CRADD: variants seen among roughly 807,000 people sequenced by gnomAD.
CRADD encodes the protein CARD and death domain containing adaptor protein.
CRADD carries 9 observed loss-of-function variants against 15.5 expected under a neutral mutation model. That is an observed-to-expected ratio of 0.58 (90% CI 0.35 to 1.01). CRADD has a LOEUF of 1.01. Among genes scored for constraint, CRADD ranks in the 50% least tolerant of loss-of-function variants. CRADD has a pLI of 0.02. For missense variants in CRADD, 227 were observed against 250.3 expected (o/e 0.91, Z 0.63); for synonymous variants, 118 against 107.6 (o/e 1.10, Z -0.60).
chr12:93,853,276 A>G (rs897776062), downstream of CRADD, among the ~76,000 whole-genome samples: 17 of 152,192 alleles, frequency 1.1e-4, no homozygotes, highest in Non-Finnish European at 1.5e-5. Flanking sequence ...AATTAACTAA[A>G]TTAAGTTTTC....
chr12:93,831,605 C>A (rs1957903097), intron 2 of CRADD, among the ~76,000 whole-genome samples: 1 of 152,248 alleles, frequency 6.6e-6, no homozygotes, highest in South Asian at 2.1e-4. Context: ...AAATTACTCT[C>A]TTAAACGATA....
At chr12:93,709,628 G>A (rs888937551) in intron 2 of CRADD, among the ~76,000 whole-genome samples, 2 of 152,192 alleles carry the variant, frequency 1.3e-5, no homozygotes, top group Non-Finnish European at 2.9e-5. Context: ...ATTCCATGGT[G>A]CATATGTACC....
chr12:93,880,644 C>T (rs187201183), intron 2 of CRADD, among the ~76,000 whole-genome samples: 6 of 152,164 alleles, frequency 3.9e-5, no homozygotes, highest in Admixed American at 1.3e-4. Context: ...TCACTCTCCC[C>T]GGTACATCCC....
intron 2 of CRADD, among the ~76,000 whole-genome samples, chr12:93,754,702 C>T (rs538893351): frequency 1.3e-5 from 2 of 152,312 alleles, no homozygotes; most frequent in South Asian, 4.1e-4. Flanking sequence ...GTCTATGTCA[C>T]TATCAGCATT....
At chr12:93,854,534 C>A (rs192775789), downstream of CRADD, among the ~76,000 whole-genome samples, 1 of 152,130 alleles carries the variant, frequency 6.6e-6, no homozygotes, top group Admixed American at 6.5e-5. Context: ...GAGAGAGGAG[C>A]GGAATAATTT....
At position 93,850,049 on chromosome 12, in the gene CRADD, G is replaced by T. The variant is rs751620496; in HGVS notation, c.378G>T (p.Arg126Ser). The change falls in exon 3 of 3, where the codon AGG (arginine) becomes AGT (serine). Residue 126 changes from arginine (R) to serine (S), a missense_variant. Arg to Ser is a moderately radical substitution (Grantham distance 110). Coordinates refer to ENST00000332896, the MANE Select transcript of CRADD (RefSeq NM_003805.5). The surrounding 1 kb of genome is among the most constrained non-coding windows in gnomAD (Gnocchi z 4.0). ...GGCAGATTAACCAGCTGGCCCAGAGGCTGGGCCCTGAGTGGGAGCCCATGG... is the reference window on the plus strand; with the variant it reads ...GGCAGATTAACCAGCTGGCCCAGAGTCTGGGCCCTGAGTGGGAGCCCATGG... The part of the protein sequence containing the change: ...SDRQINQLAQ[R>S]LGPEWEPMVL... 12 of 1,606,416 alleles carry T rather than the reference G, an allele frequency of 7.5e-6. No homozygotes were observed. The South Asian group carries it at 8.8e-5, about 12-fold the overall frequency.
Position 93,678,912 on chromosome 12 carries a change from T to C in CRADD, c.138T>C (p.Ala46=). 6.2e-7 allele frequency: 1 copy of C among 1,614,138 alleles called. No individual in the cohort carries two copies. Among genetic ancestry groups the C allele is most frequent in the Non-Finnish European group, 8.5e-7 (1 of 1,180,028 alleles). ...LTENHIQEIN[A]QTTGLRKTML... The stretch of plus-strand genomic sequence containing the variant: ...AAAACCATATTCAAGAAATCAATGC[T>C]CAAACCACAGGCCTCCGGAAAACAA... The change falls in exon 2 of 3, where the codon GCT becomes GCC. Residue 46 remains alanine (A), a synonymous_variant. Transcript: ENST00000332896.
chr12:93,706,181 T>A (rs186253755), intron 2 of CRADD, among the ~76,000 whole-genome samples: 6 of 152,354 alleles, frequency 3.9e-5, no homozygotes, highest in Admixed American at 1.3e-4. Flanking sequence ...TTCAAGCAAA[T>A]ATGTGCAAAT....
At chr12:93,812,767 A>AAC (rs1241931501) in intron 2 of CRADD, among the ~76,000 whole-genome samples, 3 of 152,340 alleles carry the variant, frequency 2.0e-5, no homozygotes, top group African/African-American at 7.2e-5. Flanking sequence ...AAGGAAAGCA[A>AAC]ACTCTGGCTC....
At chr12:93,753,423 A>G (rs941307866) in intron 2 of CRADD, among the ~76,000 whole-genome samples, 4 of 152,118 alleles carry the variant, frequency 2.6e-5, no homozygotes, top group Non-Finnish European at 5.9e-5. Context: ...TGCCTTCCCA[A>G]CAGTCCCCCA....
At chr12:93,806,477 A>AT in intron 2 of CRADD, among the ~76,000 whole-genome samples, 1 of 150,340 alleles carries the variant, frequency 6.7e-6, no homozygotes, top group East Asian at 2.0e-4. Flanking sequence ...AAAAAACAAA[A>AT]AAAAGAAAAA....
At chr12:93,679,973 C>T (rs2136786390) in intron 2 of CRADD, among the ~76,000 whole-genome samples, 1 of 152,278 alleles carries the variant, frequency 6.6e-6, no homozygotes, top group Non-Finnish European at 1.5e-5. Context: ...TTTGTTCAGA[C>T]ACTGGAGTAT....
At chr12:93,691,667 AG>A (rs1422575364) in intron 2 of CRADD, among the ~76,000 whole-genome samples, 1 of 152,204 alleles carries the variant, frequency 6.6e-6, no homozygotes, top group Non-Finnish European at 1.5e-5. Flanking sequence ...TGAGGTTGAA[AG>A]GTAGTGCAGG....
chr12:93,744,781 CA>C (rs1475005631), intron 2 of CRADD, among the ~76,000 whole-genome samples: 7 of 152,122 alleles, frequency 4.6e-5, no homozygotes, highest in Non-Finnish European at 1.0e-4. Flanking sequence ...TTAATAAAAA[CA>C]ATAAACATTC....
chr12:93,840,198 C>T (rs1443062375), intron 2 of CRADD, among the ~76,000 whole-genome samples: 2 of 152,340 alleles, frequency 1.3e-5, no homozygotes, highest in African/African-American at 4.8e-5. Context: ...GTCATCCCAT[C>T]TAGCACAACA....
At chr12:93,854,913 G>T (rs912113626), downstream of CRADD, among the ~76,000 whole-genome samples, 1 of 152,276 alleles carries the variant, frequency 6.6e-6, no homozygotes, top group Admixed American at 6.5e-5. Flanking sequence ...ATATTTTAGG[G>T]ATGGATGTGG....
intron 2 of CRADD, among the ~76,000 whole-genome samples, chr12:93,866,754 T>G (rs1037691581): frequency 7.9e-5 from 12 of 152,210 alleles, no homozygotes; most frequent in African/African-American, 2.4e-4. Context: ...TCTTTAGATC[T>G]TTTCTTTTGG....
intron 2 of CRADD, chr12:93,708,303 T>C (rs976167955): frequency 6.6e-6 from 1 of 152,232 alleles, no homozygotes; most frequent in African/African-American, 2.4e-5. Context: ...AAGTAATCAA[T>C]AGAGGCTTAG....
intron 2 of CRADD, among the ~76,000 whole-genome samples, chr12:93,845,377 T>C (rs187781414): frequency 6.6e-5 from 10 of 152,212 alleles, no homozygotes; most frequent in Admixed American, 2.0e-4. Context: ...AAGATGGCAG[T>C]GAGTGTCATG....
Sources: gnomAD v4.1 joint callset for allele counts (sites outside exome capture counted in the v4.1 genomes callset) on GRCh38, gnomAD v4.1.1 for gene constraint, Gnocchi (gnomAD v3.1) non-coding constraint, MANE v1.5 for transcripts, NCBI Gene and HGNC (gene_info 2026-07-23, HGNC 2026-07-21) for gene names.